Variants in CELF4 observed in about 807,000 individuals in gnomAD.
CELF4 encodes CUGBP Elav-like family member 4, also known as CUG-BP- and ETR-3-like factor 4.
Under a neutral mutation model 59.9 loss-of-function variants are expected in CELF4, and 18 were observed. The ratio of observed to expected loss-of-function variants is 0.30; its 90% CI spans 0.21 to 0.45. The LOEUF (loss-of-function observed/expected upper bound fraction) is 0.45. Among genes scored for constraint, CELF4 ranks in the 20% least tolerant of loss-of-function variants. CELF4 has a pLI of 1.00. For missense variants in CELF4, 456 were observed against 689.0 expected (o/e 0.66, Z 3.79); for synonymous variants, 261 against 267.1 (o/e 0.98, Z 0.22).
chr18:37,425,469 G>A (rs1008266360), intron 2 of CELF4, among the ~76,000 whole-genome samples: 1 of 152,230 alleles, frequency 6.6e-6, no homozygotes, highest in Non-Finnish European at 1.5e-5. Flanking sequence ...CTCCCAGATT[G>A]CCTCCTAACT....
chr18:37,508,931 G>A (rs1340111840), intron 1 of CELF4, among the ~76,000 whole-genome samples: 4 of 152,120 alleles, frequency 2.6e-5, no homozygotes, highest in South Asian at 2.1e-4. Context: ...TGTCACTAGT[G>A]TCACCTCTCT....
chr18:37,523,853 A>AAC (rs35143293), intron 1 of CELF4, among the ~76,000 whole-genome samples: 44,646 of 152,124 alleles, frequency 0.29, 9,667 homozygotes, highest in African/African-American at 0.61. Context: ...AACAGAGGTG[A>AAC]AGGTGGGAGG....
In CELF4 at chr18:37,274,848, G is replaced by T; in HGVS notation, c.614C>A (p.Ala205Glu). The T allele has an allele frequency of 6.2e-7, 1 of 1,607,948 alleles. No homozygotes were observed. ...GTGTAGCGCGTTGATGGCGGCCTGCGCCTCGGCGTGGGAGGAGTACTTCAC... is the reference window on the plus strand; with the variant it reads ...GTGTAGCGCGTTGATGGCGGCCTGCTCCTCGGCGTGGGAGGAGTACTTCAC... The part of the protein sequence containing the change: ...AFVKYSSHAE[A>E]QAAINALHGS... Residue 205 changes from alanine to glutamate, a missense_variant, in exon 5 of 13, where the codon GCG becomes GAG. Physicochemically the swap from Ala to Glu is moderately radical, Grantham distance 107. Transcript: ENST00000420428.
intron 2 of CELF4, among the ~76,000 whole-genome samples, chr18:37,374,132 G>A (rs1407044886): frequency 6.6e-6 from 1 of 152,200 alleles, no homozygotes. Context: ...GGTGGCTACT[G>A]TGTCCCAGAC....
At chr18:37,525,608 A>C (rs1487841037) in intron 1 of CELF4, among the ~76,000 whole-genome samples, 1 of 7,500 alleles carries the variant, frequency 1.3e-4, no homozygotes. Flanking sequence ...TAGGGGAGGG[A>C]GGGGTGGGGA....
At chr18:37,270,231 T>C (rs999952784) in intron 8 of CELF4, among the ~76,000 whole-genome samples, 11 of 152,216 alleles carry the variant, frequency 7.2e-5, no homozygotes, top group African/African-American at 2.7e-4. Flanking sequence ...CTGGGCTGTC[T>C]GTGGTGCTGA....
intron 2 of CELF4, among the ~76,000 whole-genome samples, chr18:37,442,145 G>A (rs1451569390): frequency 6.6e-6 from 1 of 152,138 alleles, no homozygotes; most frequent in Non-Finnish European, 1.5e-5. Context: ...AGGGGCTTTG[G>A]GAGGGTGAAT....
chr18:37,506,517 C>T (rs2099938210), intron 1 of CELF4, among the ~76,000 whole-genome samples: 1 of 152,198 alleles, frequency 6.6e-6, no homozygotes, highest in African/African-American at 2.4e-5. Context: ...GACACATTTA[C>T]AGCCCATCTA....
chr18:37,443,619 C>A (rs1239066955), intron 2 of CELF4, among the ~76,000 whole-genome samples: 2 of 152,130 alleles, frequency 1.3e-5, no homozygotes, highest in Non-Finnish European at 2.9e-5. Context: ...CAAGGCTCCC[C>A]TGGAAGGCCT....
At chr18:37,259,307 G>T in intron 10 of CELF4, 43 bp from the exon 11 acceptor site, 1 of 793,566 alleles carries the variant, frequency 1.3e-6, no homozygotes, top group East Asian at 3.1e-5. Context: ...AGGGATGGCA[G>T]GGTGGGGGAA....
intron 2 of CELF4, among the ~76,000 whole-genome samples, chr18:37,384,960 G>C (rs2154571106): frequency 6.6e-6 from 1 of 152,220 alleles, no homozygotes; most frequent in East Asian, 1.9e-4. Context: ...TGATTTGCTG[G>C]GTCAGTCCTC....
intron 12 of CELF4, among the ~76,000 whole-genome samples, chr18:37,248,682 C>A (rs957063209): frequency 2.0e-5 from 3 of 152,212 alleles, no homozygotes; most frequent in South Asian, 2.1e-4. Context: ...AGAATGAGTT[C>A]TCTTCGCTAT....
At chr18:37,359,532 C>T (rs184103084) in intron 2 of CELF4, among the ~76,000 whole-genome samples, 29 of 152,212 alleles carry the variant, frequency 1.9e-4, no homozygotes, top group Admixed American at 1.8e-3. Flanking sequence ...CAGGGTCTCG[C>T]TATGTTGCCT....
intron 2 of CELF4, among the ~76,000 whole-genome samples, chr18:37,362,888 G>A (rs2098727877): frequency 2.0e-5 from 3 of 152,122 alleles, no homozygotes; most frequent in South Asian, 2.1e-4. Flanking sequence ...GTGTTGGTTC[G>A]GGCAGCTTCT....
chr18:37,438,326 A>G (rs377557062), intron 2 of CELF4, among the ~76,000 whole-genome samples: 138 of 152,268 alleles, frequency 9.1e-4, no homozygotes, highest in African/African-American at 3.1e-3. Flanking sequence ...CTTGAAATGG[A>G]CCGAGTATCC....
At chr18:37,428,299 G>A (rs2099626734) in intron 2 of CELF4, among the ~76,000 whole-genome samples, 1 of 152,144 alleles carries the variant, frequency 6.6e-6, no homozygotes, top group Admixed American at 6.5e-5. Flanking sequence ...GCATGGAGAG[G>A]TGAAGGAGGG....
At chr18:37,294,217 C>T (rs7231455) in intron 3 of CELF4, among the ~76,000 whole-genome samples, 67,234 of 151,938 alleles carry the variant, frequency 0.44, 15,118 homozygotes, top group South Asian at 0.63. Flanking sequence ...GAATGTATTA[C>T]CCTTCATCTC....
Position 37,565,674 on chromosome 18 carries a change from G to C in CELF4, c.-33C>G, listed in dbSNP as rs763089811. 6.5e-7 allele frequency: 1 copy of C among 1,535,332 alleles called. No individual in the cohort carries two copies. Among genetic ancestry groups the C allele is most frequent in the South Asian group, 1.3e-5 (1 of 79,958 alleles). On this transcript the variant is annotated 5_prime_UTR_variant, in exon 1 of 13. Transcript: ENST00000420428. ...ATCTTCTTTCCTTTTATTCTTTCTC[G>C]CTCACACTCTCTCGCTCCTCTCTCT...
intron 2 of CELF4, among the ~76,000 whole-genome samples, chr18:37,330,807 T>A (rs1260554980): frequency 6.6e-6 from 1 of 152,180 alleles, no homozygotes; most frequent in Non-Finnish European, 1.5e-5. Flanking sequence ...CAGTCTTGTT[T>A]CCAGCCCAGA....
Sources: gnomAD v4.1 joint callset for allele counts (sites outside exome capture counted in the v4.1 genomes callset) on GRCh38, gnomAD v4.1.1 for gene constraint, MANE v1.5 for transcripts, NCBI Gene and HGNC (gene_info 2026-07-23, HGNC 2026-07-21) for gene names.